CDK1: variants seen among roughly 807,000 people sequenced by gnomAD.
The protein encoded by CDK1 is cyclin dependent kinase 1.
Under a neutral mutation model 34.6 loss-of-function variants are expected in CDK1, and 5 were observed. The observed-to-expected ratio is 0.14, with a 90% confidence interval of 0.08 to 0.30. CDK1 has a LOEUF of 0.30. Among genes scored for constraint, CDK1 ranks in the 10% least tolerant of loss-of-function variants. The probability of loss-of-function intolerance (pLI) is 1.00; values close to 1 mark genes in which losing one functional copy is unlikely to be tolerated. For missense variants in CDK1, 157 were observed against 345.7 expected (o/e 0.45, Z 4.33); for synonymous variants, 108 against 114.7 (o/e 0.94, Z 0.37).
intron 2 of CDK1, among the ~76,000 whole-genome samples, chr10:60,782,390 C>T (rs1168551791): frequency 6.6e-6 from 1 of 152,104 alleles, no homozygotes; most frequent in Admixed American, 6.5e-5. Flanking sequence ...CCAGACTTTA[C>T]TATTTTAAAT....
chr10:60,784,448 G>C (rs1321800252), intron 2 of CDK1, among the ~76,000 whole-genome samples: 1 of 152,060 alleles, frequency 6.6e-6, no homozygotes, highest in Admixed American at 6.5e-5. Context: ...TGGGCAACAT[G>C]GTGAAACCCC....
At chr10:60,785,470 C>A (rs2080307739) in intron 3 of CDK1, among the ~76,000 whole-genome samples, 194 bp from the exon 4 acceptor site, 1 of 152,116 alleles carries the variant, frequency 6.6e-6, no homozygotes, top group South Asian at 2.1e-4. Context: ...ACCTCCTGTA[C>A]AAGGCTTAAT....
chr10:60,792,835 C>A (rs2080370565), intron 7 of CDK1, among the ~76,000 whole-genome samples: 1 of 152,084 alleles, frequency 6.6e-6, no homozygotes, highest in South Asian at 2.1e-4. Context: ...AAATCAAATA[C>A]TATAAATCAG....
rs1245800328 is a variant in CDK1, at chr10:60,794,636, T to C, written c.*661T>C. On this transcript the variant is annotated 3_prime_UTR_variant, in exon 8 of 8. Transcript: ENST00000395284. ...AGAACAGTTTTGAAAATTTATGAAC[T>C]ATCTTATTTTTAGGTAGGTTTTGAA... The C allele has an allele frequency of 6.6e-6, 1 of 152,108 alleles. No individual in the cohort carries two copies. Among genetic ancestry groups the C allele is most frequent in the East Asian group, 1.9e-4 (1 of 5,188 alleles). The allele number at this position is 152,108 out of a possible 1,614,324, so 9.4% of individuals were successfully genotyped here.
chr10:60,781,599 C>T (rs1300331702), intron 2 of CDK1, among the ~76,000 whole-genome samples: 1 of 152,200 alleles, frequency 6.6e-6, no homozygotes, highest in Admixed American at 6.5e-5. Context: ...TGAACACTGT[C>T]TCCAAAACCA....
At chr10:60,780,830 G>T (rs539558233) in intron 2 of CDK1, among the ~76,000 whole-genome samples, 230 of 152,182 alleles carry the variant, frequency 1.5e-3, no homozygotes, top group African/African-American at 4.4e-3. Flanking sequence ...GACTCCAGCA[G>T]AACATTCTCG....
intron 4 of CDK1, chr10:60,786,981 T>C (rs985728897): frequency 2.3e-5 from 23 of 982,234 alleles, no homozygotes; most frequent in Admixed American, 6.2e-5. Flanking sequence ...AAGTCCTGTC[T>C]TCCACACATA....
chr10:60,792,298 T>C lies in CDK1; in HGVS notation c.795+9T>C. 1 of 1,591,166 alleles carries C rather than the reference T, an allele frequency of 6.3e-7. No individual in the cohort carries two copies. Among genetic ancestry groups the C allele is most frequent in the Non-Finnish European group, 8.5e-7 (1 of 1,172,354 alleles). On this transcript the variant is annotated intron_variant, in intron 7 of 7. Coordinates refer to ENST00000395284, the MANE Select transcript of CDK1 (RefSeq NM_001786.5). ...GCTTGGATTTGCTCTCGGTAAGGAG[T>C]GCCCTTGATACTGACTTTCAAATTA...
chr10:60,792,854 G>A (rs2080370671), intron 7 of CDK1, among the ~76,000 whole-genome samples: 1 of 152,042 alleles, frequency 6.6e-6, no homozygotes, highest in Non-Finnish European at 1.5e-5. Context: ...AGATTCCTTA[G>A]TCTAGCCACA....
rs2261327 is a variant in CDK1, at chr10:60,786,019, G to T, written c.318+232G>T. 7.1e-6 allele frequency: 8 copies of T among 1,128,858 alleles called. No homozygotes were observed. The Admixed American group carries it at 1.9e-4, about 27-fold the overall frequency. 69.9% of individuals were successfully genotyped at this position (1,128,858 alleles called of 1,614,324 possible). On this transcript the variant is annotated intron_variant, in intron 4 of 7. Transcript: ENST00000395284. The stretch of plus-strand genomic sequence containing the variant: ...TGCCTGAGATAACATAGAACTGGTA[G>T]GTATTGTTGGAAGCTAGGGTAGTCT...
At position 60,780,140 on chromosome 10, in the gene CDK1, G is replaced by C; in HGVS notation, c.-25-1G>C. 1 of 1,443,832 alleles carries C rather than the reference G, an allele frequency of 6.9e-7. No homozygotes were observed. Among genetic ancestry groups the C allele is most frequent in the Non-Finnish European group, 9.7e-7 (1 of 1,026,508 alleles). 89.4% of individuals were successfully genotyped at this position (1,443,832 alleles called of 1,614,324 possible). On this transcript the variant is annotated splice_acceptor_variant, in intron 1 of 7. Transcript: ENST00000395284. LOFTEE classifies it low-confidence loss of function (5UTR_SPLICE). ...TTAAGTCAGTTTTTCCTTCACTTTA[G>C]GATCTACCATACCCATTGACTAACT...
At chr10:60,784,666 T>C in intron 2 of CDK1, 39 bp from the exon 3 acceptor site, 1 of 1,510,126 alleles carries the variant, frequency 6.6e-7, no homozygotes, top group Non-Finnish European at 9.0e-7. Context: ...CTTTAGTTTG[T>C]GGGGTGTGTC....
chr10:60,789,162 T>A (rs1423481376), intron 5 of CDK1, among the ~76,000 whole-genome samples: 1 of 152,198 alleles, frequency 6.6e-6, no homozygotes, highest in African/African-American at 2.4e-5. Flanking sequence ...GGTATTTGGA[T>A]ACATGTATGC....
rs774327540 is a variant in CDK1 at position 60,791,891 on chromosome 10, T to C, written c.491T>C (p.Val164Ala). 1.9e-6 allele frequency: 3 copies of C among 1,599,374 alleles called. No individual in the cohort carries two copies. The highest frequency in any genetic ancestry group is 2.6e-6 in the Non-Finnish European group (3 of 1,173,338). ...TTGTAAAAATTTGCTTTTTAATAGG[T>C]AGTAACACTCTGGTACAGATCTCCA... Reference protein sequence around the residue: ...GIPIRVYTHEVVTLWYRSPEV... With the variant: ...GIPIRVYTHEAVTLWYRSPEV... Residue 164 changes from valine (V) to alanine (A), a missense_variant and splice_region_variant, in exon 6 of 8, where the codon GTA becomes GCA. Coordinates refer to ENST00000395284, the MANE Select transcript of CDK1 (RefSeq NM_001786.5).
chr10:60,792,359 C>A, intron 7 of CDK1, 70 bp downstream of exon 7: 1 of 1,387,434 alleles, frequency 7.2e-7, no homozygotes, highest in Non-Finnish European at 9.9e-7. Context: ...CTTTGTTTTG[C>A]CTAGAAAATA....
chr10:60,792,373 A>G lies in CDK1; in HGVS notation c.795+84A>G, dbSNP rs2080366665. 3.2e-6 allele frequency: 4 copies of G among 1,253,812 alleles called. No individual in the cohort carries two copies. The South Asian group carries it at 5.8e-5, about 18-fold the overall frequency. 77.7% of individuals were successfully genotyped at this position (1,253,812 alleles called of 1,614,324 possible). ...TCTTTGTTTTGCCTAGAAAATAGGA[A>G]GAACACTAACATTTTTGAGCTAGGT... On this transcript the variant is annotated intron_variant, in intron 7 of 7. Transcript: ENST00000395284.
Position 60,794,042 on chromosome 10 carries a change from C to A in CDK1, c.*67C>A. On this transcript the variant is annotated 3_prime_UTR_variant, in exon 8 of 8. Transcript: ENST00000395284. ...TTGTGTTTTTATTGTTAACTCTTGT[C>A]TATTTTTGTCTTATATATATTTCTT... 2.6e-6 allele frequency: 2 copies of A among 769,528 alleles called. No individual in the cohort carries two copies. Among genetic ancestry groups the A allele is most frequent in the East Asian group, 2.9e-5 (1 of 34,566 alleles). The allele number at this position is 769,528 out of a possible 1,614,324, so 47.7% of individuals were successfully genotyped here. A position where few individuals can be genotyped will look rare whatever the true frequency, so the allele number is the denominator to read the frequency against.
At chr10:60,782,083 G>T (rs1402416775) in intron 2 of CDK1, among the ~76,000 whole-genome samples, 1 of 152,098 alleles carries the variant, frequency 6.6e-6, no homozygotes, top group Admixed American at 6.5e-5. Context: ...TTTTCTTTTG[G>T]TTCTGCCAGG....
chr10:60,784,663 T>C, intron 2 of CDK1, 42 bp from the exon 3 acceptor site: 1 of 1,508,292 alleles, frequency 6.6e-7, no homozygotes, highest in Non-Finnish European at 9.0e-7. Context: ...GATCTTTAGT[T>C]TGTGGGGTGT....
Sources: gnomAD v4.1 joint callset for allele counts (sites outside exome capture counted in the v4.1 genomes callset) on GRCh38, gnomAD v4.1.1 for gene constraint, MANE v1.5 for transcripts, NCBI Gene and HGNC (gene_info 2026-07-23, HGNC 2026-07-21) for gene names.